Variants in NTM observed in about 807,000 individuals in gnomAD.
The protein encoded by NTM is IgLON family member 2.
In NTM, 13 loss-of-function variants were observed where a neutral mutation model predicts 42.1. The ratio of observed to expected loss-of-function variants is 0.31; its 90% CI spans 0.20 to 0.49. The LOEUF (loss-of-function observed/expected upper bound fraction) is 0.49, where lower values mean the gene tolerates loss of function less well. Ranked by LOEUF, NTM falls within the 20% of genes least tolerant of loss-of-function variation. The pLI is 0.99. For missense variants in NTM, 373 were observed against 452.8 expected, an observed-to-expected ratio of 0.82 and a Z score of 1.60; for synonymous variants, 187 against 179.2, an observed-to-expected ratio of 1.04 and a Z score of -0.35.
intron 1 of NTM, among the ~76,000 whole-genome samples, chr11:131,651,108 G>A (rs757853640): frequency 9.9e-5 from 15 of 152,128 alleles, no homozygotes; most frequent in Non-Finnish European, 2.1e-4. Flanking sequence ...ACTACCGACT[G>A]TTCTCAAAAG....
chr11:132,129,340 T>C (rs2066418557), intron 2 of NTM, among the ~76,000 whole-genome samples: 1 of 152,172 alleles, frequency 6.6e-6, no homozygotes, highest in Admixed American at 6.5e-5. Context: ...GTCTCACACA[T>C]ATATTGATTC....
chr11:131,426,744 G>A (rs990860312), intron 1 of NTM, among the ~76,000 whole-genome samples: 1 of 152,184 alleles, frequency 6.6e-6, no homozygotes, highest in African/African-American at 2.4e-5. Flanking sequence ...GTGGCAGGTT[G>A]CAGAGAGCTG....
intron 1 of NTM, among the ~76,000 whole-genome samples, chr11:131,657,983 C>A (rs186552096): frequency 6.6e-6 from 1 of 152,206 alleles, no homozygotes; most frequent in Admixed American, 6.5e-5. Context: ...TCTGAAGAGA[C>A]CTGAGGGGCC....
chr11:131,888,073 G>A (rs2050680973), intron 1 of NTM, among the ~76,000 whole-genome samples: 2 of 152,118 alleles, frequency 1.3e-5, no homozygotes, highest in Admixed American at 6.5e-5. Flanking sequence ...GGCCAAGCTG[G>A]GTGGATAACC....
intron 1 of NTM, among the ~76,000 whole-genome samples, chr11:131,680,941 G>T (rs865904574): frequency 2.5e-5 from 1 of 39,544 alleles, no homozygotes; most frequent in African/African-American, 8.4e-5. Flanking sequence ...GTCTCCCTGT[G>T]TGTGTGAGCG....
chr11:131,780,754 C>T (rs1029122518), intron 1 of NTM, among the ~76,000 whole-genome samples: 9 of 152,252 alleles, frequency 5.9e-5, no homozygotes, highest in African/African-American at 1.9e-4. Context: ...ACTAAGTACA[C>T]GAAGCAGCCT....
intron 2 of NTM, among the ~76,000 whole-genome samples, chr11:132,110,407 A>G (rs2136726844): frequency 6.6e-6 from 1 of 152,336 alleles, no homozygotes; most frequent in East Asian, 1.9e-4. Flanking sequence ...TCTCCGGAGA[A>G]CTGAATTGTC....
chr11:132,192,815 A>C (rs1371135321), intron 3 of NTM, among the ~76,000 whole-genome samples: 1 of 152,208 alleles, frequency 6.6e-6, no homozygotes, highest in African/African-American at 2.4e-5. Context: ...AAGATGTATC[A>C]GTCAAACAGA....
chr11:131,793,240 G>C (rs1162321453), intron 1 of NTM, among the ~76,000 whole-genome samples: 1 of 152,160 alleles, frequency 6.6e-6, no homozygotes, highest in Non-Finnish European at 1.5e-5. Flanking sequence ...CTATTATTTG[G>C]TTGCTATCGT....
intron 1 of NTM, among the ~76,000 whole-genome samples, chr11:131,593,141 A>T (rs907363480): frequency 6.6e-6 from 1 of 151,650 alleles, no homozygotes. Flanking sequence ...CTCCCTCTCC[A>T]CTCAATAGAT....
At chr11:131,787,229 T>A (rs2089381635) in intron 1 of NTM, among the ~76,000 whole-genome samples, 1 of 151,672 alleles carries the variant, frequency 6.6e-6, no homozygotes, top group Non-Finnish European at 1.5e-5. Flanking sequence ...TTTATTATGA[T>A]ATAATATTTT....
chr11:131,849,614 G>A (rs1365654063), intron 1 of NTM, among the ~76,000 whole-genome samples: 5 of 151,980 alleles, frequency 3.3e-5, no homozygotes, highest in African/African-American at 9.7e-5. Flanking sequence ...TGTGAGATTC[G>A]AGCAGGGCCA....
At chr11:131,728,099 A>T (rs2135456507) in intron 1 of NTM, among the ~76,000 whole-genome samples, 1 of 152,178 alleles carries the variant, frequency 6.6e-6, no homozygotes, top group South Asian at 2.1e-4. Context: ...GAATGTAAAG[A>T]CGTGAGTGGA....
At chr11:131,553,950 C>T (rs1424787486) in intron 1 of NTM, among the ~76,000 whole-genome samples, 2 of 152,170 alleles carry the variant, frequency 1.3e-5, no homozygotes, top group African/African-American at 4.8e-5. Flanking sequence ...ACCTATGAAC[C>T]TGTTATTCCC....
intron 1 of NTM, among the ~76,000 whole-genome samples, chr11:131,880,325 C>T (rs1565669989): frequency 6.6e-6 from 1 of 152,150 alleles, no homozygotes; most frequent in Non-Finnish European, 1.5e-5. Context: ...AGCAAACAGA[C>T]CTGGATCTAA....
At chr11:132,083,771 T>C (rs1384470315) in intron 2 of NTM, among the ~76,000 whole-genome samples, 4 of 152,144 alleles carry the variant, frequency 2.6e-5, no homozygotes, top group Non-Finnish European at 5.9e-5. Flanking sequence ...CAAAAGAAAA[T>C]GGATTCTTAT....
intron 1 of NTM, among the ~76,000 whole-genome samples, chr11:131,487,568 A>G (rs753311483): frequency 1.3e-5 from 2 of 152,236 alleles, no homozygotes; most frequent in Non-Finnish European, 2.9e-5. Context: ...AGGTGAGTAT[A>G]TTAGCCAGGG....
chr11:131,671,585 G>T (rs981063731), intron 1 of NTM: 46 of 985,236 alleles, frequency 4.7e-5, no homozygotes, highest in Non-Finnish European at 5.4e-5. Context: ...TGGAGCCCAC[G>T]CTGGGCTGGG....
chr11:131,601,692 C>T (rs915602495), intron 1 of NTM, among the ~76,000 whole-genome samples: 6 of 152,056 alleles, frequency 3.9e-5, no homozygotes, highest in African/African-American at 7.2e-5. Flanking sequence ...CAGAAGTTCC[C>T]TTCTGACTAC....
Sources: gnomAD v4.1 joint callset for allele counts (sites outside exome capture counted in the v4.1 genomes callset) on GRCh38, gnomAD v4.1.1 for gene constraint, MANE v1.5 for transcripts, NCBI Gene and HGNC (gene_info 2026-07-23, HGNC 2026-07-21) for gene names.